Variants in HTR3D observed in about 807,000 individuals in gnomAD.
HTR3D encodes 5-hydroxytryptamine (serotonin) receptor 3 family member D.
In HTR3D, 47 loss-of-function variants were observed where a neutral mutation model predicts 45.8. That is an observed-to-expected ratio of 1.03 (90% CI 0.81 to 1.31). The LOEUF (loss-of-function observed/expected upper bound fraction) is 1.31. Among genes scored for constraint, HTR3D ranks in the 50% most tolerant of loss-of-function variants. HTR3D has a pLI of 0.00. For missense variants in HTR3D, 448 were observed against 506.9 expected (o/e 0.88, Z 1.12); for synonymous variants, 203 against 199.8 (o/e 1.02, Z -0.13).
intron 1 of HTR3D, chr3:184,033,008 A>G: frequency 6.4e-7 from 1 of 1,551,876 alleles, no homozygotes; most frequent in Non-Finnish European, 8.7e-7. Flanking sequence ...CACCAACTAC[A>G]GTGTCGCCAC....
rs1315467452 is a variant in HTR3D at position 184,035,177 on chromosome 3, G to A, written c.67-1G>A. On this transcript the variant is annotated splice_acceptor_variant, in intron 1 of 7. Coordinates refer to ENST00000428798, the MANE Select transcript of HTR3D (RefSeq NM_001145143.1). LOFTEE classifies it high-confidence loss of function. The stretch of plus-strand genomic sequence containing the variant: ...CATCTAGATGAAAGCTGCTATTCCA[G>A]GATTCACACCTTCAACTGGTGACAT... 7 of 1,551,928 alleles carry A rather than the reference G, an allele frequency of 4.5e-6. No individual in the cohort carries two copies. Among genetic ancestry groups the A allele is most frequent in the African/African-American group, 1.4e-5 (1 of 73,022 alleles).
chr3:184,036,876 T>C lies in HTR3D; in HGVS notation c.496T>C (p.Tyr166His). 1 of 1,551,440 alleles carries C rather than the reference T, an allele frequency of 6.4e-7. No homozygotes were observed. Reference sequence around the variant, plus strand: ...AAAGGTGACCGTGGCCACTAACCAGTATGAACAAGCCATCTTCCATGTGAG... The same window carrying C: ...AAAGGTGACCGTGGCCACTAACCAGCATGAACAAGCCATCTTCCATGTGAG... ...TIKVTVATNQ[Y>H]EQAIFHVAIR... Residue 166 changes from tyrosine (Y) to histidine (H), a missense_variant, in exon 5 of 8, where the codon TAT becomes CAT. Coordinates refer to ENST00000428798, the MANE Select transcript of HTR3D (RefSeq NM_001145143.1).
In HTR3D at chr3:184,038,043, G is replaced by C. The variant is rs1455562463; in HGVS notation, c.539G>C (p.Arg180Thr). The change falls in exon 6 of 8, where the codon AGG becomes ACG. Residue 180 changes from arginine (R) to threonine (T), a missense_variant. Coordinates refer to ENST00000428798, the MANE Select transcript of HTR3D (RefSeq NM_001145143.1). The surrounding 1 kb of genome is among the most constrained non-coding windows in gnomAD (Gnocchi z 4.5). ...IFHVAIRRRCRPSPYVVNFLV... is the reference protein window; with the variant it reads ...IFHVAIRRRCTPSPYVVNFLV... ...CAGGTGGCCATCAGGCGCAGGTGCA[G>C]GCCCAGCCCCTACGTGGTAAACTTT... 6.2e-7 allele frequency: 1 copy of C among 1,614,044 alleles called. No homozygotes were observed. The highest frequency in any genetic ancestry group is 8.5e-7 in the Non-Finnish European group (1 of 1,180,038).
At position 184,038,941 on chromosome 3, in the gene HTR3D, C is replaced by T; in HGVS notation, c.1181C>T (p.Ser394Phe). The change falls in exon 8 of 8, where the codon TCC becomes TTC. Residue 394 changes from serine to phenylalanine, a missense_variant. Transcript: ENST00000428798. This position sits in a 1 kb window ranked among gnomAD's most constrained non-coding sequence, Gnocchi z 4.5. ...CTCTACCTGCTCTTCATGGCCTCCT[C>T]CATCATCACCGTCATATGCCTCTGG... ...FRLYLLFMAS[S>F]IITVICLWNT The T allele has an allele frequency of 1.9e-6, 3 of 1,614,180 alleles. No individual in the cohort carries two copies. The highest frequency in any genetic ancestry group is 2.2e-5 in the East Asian group (1 of 44,880).
At chr3:184,032,850 GC>G (rs773798039) in intron 1 of HTR3D, 10 of 1,551,500 alleles carry the variant, frequency 6.4e-6, no homozygotes, top group South Asian at 6.0e-5. Flanking sequence ...CACTCTCCAG[GC>G]CCCCCAGCCC....
chr3:184,038,703 G>A lies in HTR3D; in HGVS notation c.986-43G>A. On this transcript the variant is annotated intron_variant, in intron 7 of 7. Transcript: ENST00000428798. The surrounding 1 kb of genome is among the most constrained non-coding windows in gnomAD (Gnocchi z 4.5). ...CCTTCCCTGTCTCCCTCCCTCCACA[G>A]GTGACATTTGCAGCCCATGGCTGAG... 2 of 1,559,628 alleles carry A rather than the reference G, an allele frequency of 1.3e-6. No homozygotes were observed. The highest frequency in any genetic ancestry group is 2.4e-5 in the East Asian group (1 of 42,294).
chr3:184,034,934 G>A (rs1210122753), intron 1 of HTR3D: 29 of 742,650 alleles, frequency 3.9e-5, no homozygotes, highest in Non-Finnish European at 5.5e-5. Flanking sequence ...TGACATTACT[G>A]CAGGTAAAAT....
At chr3:184,037,000 T>C in intron 5 of HTR3D, 104 bp downstream of exon 5, 1 of 1,126,602 alleles carries the variant, frequency 8.9e-7, no homozygotes, top group Non-Finnish European at 1.2e-6. Context: ...AGTGCTGGGA[T>C]TACGGGCGTG....
chr3:184,034,240 G>A (rs1179310356), intron 1 of HTR3D, among the ~76,000 whole-genome samples: 3 of 152,164 alleles, frequency 2.0e-5, no homozygotes, highest in East Asian at 1.9e-4. Context: ...AATGTGGTAT[G>A]TACTTACAAT....
At position 184,038,463 on chromosome 3, in the gene HTR3D, T is replaced by A; in HGVS notation, c.824T>A (p.Ile275Asn). 3.7e-6 allele frequency: 6 copies of A among 1,614,026 alleles called. No individual in the cohort carries two copies. The highest frequency in any genetic ancestry group is 5.1e-6 in the Non-Finnish European group (6 of 1,179,994). ...SLMVGSLLET[I>N]FITHLLHVAT... Reference sequence around the variant, plus strand: ...ATGGTGGGCAGCCTGCTGGAGACCATCTTCATCACCCACCTGCTGCACGTG... The same window carrying A: ...ATGGTGGGCAGCCTGCTGGAGACCAACTTCATCACCCACCTGCTGCACGTG... The change falls in exon 7 of 8, where the codon ATC (isoleucine) becomes AAC (asparagine). Residue 275 changes from isoleucine to asparagine, a missense_variant. By Grantham distance (149) the Ile-to-Asn change is moderately radical. Coordinates refer to ENST00000428798, the MANE Select transcript of HTR3D (RefSeq NM_001145143.1). This position sits in a 1 kb window ranked among gnomAD's most constrained non-coding sequence, Gnocchi z 4.5.
At position 184,038,388 on chromosome 3, in the gene HTR3D, T is replaced by A. The variant is rs776664511; in HGVS notation, c.770-21T>A. The A allele has an allele frequency of 2.5e-6, 4 of 1,614,102 alleles. No individual in the cohort carries two copies. The highest frequency in any genetic ancestry group is 1.7e-5 in the Admixed American group (1 of 60,022). On this transcript the variant is annotated intron_variant, in intron 6 of 7. Transcript: ENST00000428798. This position sits in a 1 kb window ranked among gnomAD's most constrained non-coding sequence, Gnocchi z 4.5. Reference sequence around the variant, plus strand: ...TTCTAGGTGGCGCCTCTGGCCCTCATGCAGACCCCCTTGCCTGCAGGTGTC... The same window carrying A: ...TTCTAGGTGGCGCCTCTGGCCCTCAAGCAGACCCCCTTGCCTGCAGGTGTC...
Position 184,038,564 on chromosome 3 carries a change from T to G in HTR3D, c.925T>G (p.Cys309Gly). 1.2e-6 allele frequency: 2 copies of G among 1,613,970 alleles called. No individual in the cohort carries two copies. The highest frequency in any genetic ancestry group is 2.2e-5 in the South Asian group (2 of 91,076). ...LLHCTGQGRC[C>G]PTAPQKGNKG... is the part of the protein sequence containing the mutation. The stretch of plus-strand genomic sequence containing the variant: ...GCACTGCACCGGCCAAGGGAGATGC[T>G]GTCCCACTGCGCCCCAGAAGGGAAA... The change falls in exon 7 of 8, where the codon TGT becomes GGT. Residue 309 changes from cysteine to glycine, a missense_variant. Transcript: ENST00000428798. This position sits in a 1 kb window ranked among gnomAD's most constrained non-coding sequence, Gnocchi z 4.5.
At position 184,036,555 on chromosome 3, in the gene HTR3D, C is replaced by T. The variant is rs573487545; in HGVS notation, c.367+11C>T. 1.1e-5 allele frequency: 18 copies of T among 1,613,954 alleles called. No individual in the cohort carries two copies. The South Asian group carries it at 2.0e-4, about 18-fold the overall frequency. On this transcript the variant is annotated intron_variant, in intron 4 of 7. Coordinates refer to ENST00000428798, the MANE Select transcript of HTR3D (RefSeq NM_001145143.1). ...CACCTACACAGGTAAGTGGGGCTCA[C>T]TAAAGTAGACTGTTGAGAGGCAGAG...
chr3:184,038,199 A>G lies in HTR3D; in HGVS notation c.695A>G (p.Asp232Gly). 6.2e-7 allele frequency: 1 copy of G among 1,614,168 alleles called. No homozygotes were observed. Among genetic ancestry groups the G allele is most frequent in the Non-Finnish European group, 8.5e-7 (1 of 1,180,014 alleles). ...GYSVFLLMMNDLLPATSTSSH... is the reference protein window; with the variant it reads ...GYSVFLLMMNGLLPATSTSSH... ...AGCGTCTTCCTGCTCATGATGAATG[A>G]CTTGCTCCCAGCCACTAGCACTTCA... Residue 232 changes from aspartate (D) to glycine (G), a missense_variant, in exon 6 of 8, where the codon GAC (aspartate) becomes GGC (glycine). Coordinates refer to ENST00000428798, the MANE Select transcript of HTR3D (RefSeq NM_001145143.1). This position sits in a 1 kb window ranked among gnomAD's most constrained non-coding sequence, Gnocchi z 4.5.
At chr3:184,034,964 T>C (rs919093909) in intron 1 of HTR3D, 2 of 1,123,622 alleles carry the variant, frequency 1.8e-6, no homozygotes, top group African/African-American at 3.2e-5. Flanking sequence ...TTGGAATACT[T>C]GTCAAAACAT....
Position 184,036,428 on chromosome 3 carries a change from C to T in HTR3D, c.251C>T (p.Thr84Ile), listed in dbSNP as rs763202153. The T allele has an allele frequency of 1.2e-6, 2 of 1,614,106 alleles. No individual in the cohort carries two copies. The highest frequency in any genetic ancestry group is 1.7e-5 in the Admixed American group (1 of 60,008). ...LMASMSIVKATSNTISQCGWS... is the reference protein window; with the variant it reads ...LMASMSIVKAISNTISQCGWS... ...GCTAGTATGTCAATAGTGAAGGCCA[C>T]ATCAAACACAATAAGCCAATGTGGG... Residue 84 changes from threonine (T) to isoleucine (I), a missense_variant, in exon 4 of 8, where the codon ACA becomes ATA. By Grantham distance (89) the Thr-to-Ile change is moderately conservative (BLOSUM62 -1). Transcript: ENST00000428798.
chr3:184,032,129 G>C (rs184348646), intron 1 of HTR3D, among the ~76,000 whole-genome samples: 273 of 152,042 alleles, frequency 1.8e-3, no homozygotes, highest in African/African-American at 6.2e-3. Context: ...AAGTAGCTGG[G>C]ATTACAGGCA....
chr3:184,033,127 T>C, intron 1 of HTR3D: 1 of 1,248,752 alleles, frequency 8.0e-7, no homozygotes, highest in Non-Finnish European at 1.1e-6. Context: ...GGATTTTTTT[T>C]TTTTTTTTTT....
chr3:184,033,250 G>A (rs187114771), intron 1 of HTR3D, among the ~76,000 whole-genome samples: 3 of 151,354 alleles, frequency 2.0e-5, no homozygotes, highest in Admixed American at 6.6e-5. Context: ...CCTCCGGCAC[G>A]TGCTGCCCCA....
Sources: allele counts gnomAD v4.1 joint callset (sites outside exome capture counted in the v4.1 genomes callset), GRCh38; gene constraint gnomAD v4.1.1; non-coding constraint Gnocchi (gnomAD v3.1); transcripts MANE v1.5; gene names NCBI Gene and HGNC (gene_info 2026-07-23, HGNC 2026-07-21).